HEXB: variants seen among roughly 807,000 people sequenced by gnomAD.
HEXB encodes the protein hexosaminidase subunit beta, also known as beta-hexosaminidase subunit beta.
Under a neutral mutation model 71.2 loss-of-function variants are expected in HEXB, and 51 were observed. The observed-to-expected ratio is 0.72, with a 90% CI of 0.57 to 0.90. The LOEUF (loss-of-function observed/expected upper bound fraction) is 0.90. HEXB is among the 40% of genes least tolerant of loss of function. The pLI is 0.00. For synonymous variants in HEXB, 266 were observed against 249.3 expected (o/e 1.07, Z -0.63); for missense variants, 617 against 677.0 (o/e 0.91, Z 0.98).
At chr5:74,718,178 A>G (rs1749722118) in intron 9 of HEXB, 113 bp from the exon 10 acceptor site, 2 of 780,460 alleles carry the variant, frequency 2.6e-6, no homozygotes, top group East Asian at 2.7e-5. Flanking sequence ...AAGCTGAACT[A>G]TACTAAAAGG....
rs1749652995 is a variant in HEXB, at chr5:74,715,665, G to C, written c.1057G>C (p.Gly353Arg). The C allele has an allele frequency of 1.2e-6, 2 of 1,607,568 alleles. No homozygotes were observed. ...TCCAGATCAATTCATTCATTTGGGA[G>C]GAGATGAAGTGGAATTTAAATGTTG... ...VFPDQFIHLG[G>R]DEVEFKCWES... Residue 353 changes from glycine to arginine, a missense_variant, in exon 8 of 14, where the codon GGA becomes CGA. Gly to Arg is a moderately radical substitution (Grantham distance 125). Transcript: ENST00000261416.
chr5:74,668,971 CT>C (rs1440470476), intron 1 of HEXB, among the ~76,000 whole-genome samples: 2 of 151,838 alleles, frequency 1.3e-5, no homozygotes, highest in African/African-American at 4.8e-5. Context: ...TTTTCTTTTC[CT>C]TTTTCTGAGA....
intron 1 of HEXB, among the ~76,000 whole-genome samples, chr5:74,685,898 T>A (rs1024794818): frequency 2.0e-5 from 3 of 152,018 alleles, no homozygotes; most frequent in Non-Finnish European, 4.4e-5. Context: ...TTGAAGGACG[T>A]GCAAAGGGAT....
At chr5:74,707,126 C>T (rs1457820896) in intron 6 of HEXB, among the ~76,000 whole-genome samples, 7 of 150,626 alleles carry the variant, frequency 4.6e-5, no homozygotes, top group African/African-American at 1.7e-4. Context: ...GCAGCATTCA[C>T]GGTTCACGAA....
chr5:74,649,321 T>C (rs547483359), intron 1 of HEXB, among the ~76,000 whole-genome samples: 2 of 152,298 alleles, frequency 1.3e-5, no homozygotes, highest in South Asian at 4.1e-4. Context: ...ATAATATAAG[T>C]TGTCCTGAGG....
At position 74,641,115 on chromosome 5, in the gene HEXB, C is replaced by G. The variant is rs1176037786; in HGVS notation, c.-377+557C>G. The G allele has an allele frequency of 1.3e-5, 2 of 152,202 alleles. No homozygotes were observed. The highest frequency in any genetic ancestry group is 4.8e-5 in the African/African-American group (2 of 41,514). The allele number at this position is 152,202 out of a possible 1,614,324, so 9.4% of individuals were successfully genotyped here. A position where few individuals can be genotyped will look rare whatever the true frequency, so the allele number is the denominator to read the frequency against. The stretch of plus-strand genomic sequence containing the variant: ...GGACCCACCTTAGGGGAGCGCAGCC[C>G]GGGGCTGTGCGCTTGGTGATGCCAG... On this transcript the variant is annotated intron_variant, in intron 1 of 13. Transcript: ENST00000511181. This position sits in a 1 kb window ranked among gnomAD's most constrained non-coding sequence, Gnocchi z 4.1.
chr5:74,706,952 C>T (rs531325818), intron 6 of HEXB, among the ~76,000 whole-genome samples: 227 of 152,406 alleles, frequency 1.5e-3, no homozygotes, highest in Admixed American at 4.0e-3. Flanking sequence ...CAGTGGTTCT[C>T]CCAGCACACA....
At chr5:74,678,012 T>A (rs1748667759) in intron 1 of HEXB, among the ~76,000 whole-genome samples, 1 of 152,178 alleles carries the variant, frequency 6.6e-6, no homozygotes, top group Non-Finnish European at 1.5e-5. Context: ...ATTTAAATAG[T>A]GCAGCCAGGA....
upstream of HEXB, chr5:74,685,185 T>A: frequency 7.1e-7 from 1 of 1,406,478 alleles, no homozygotes; most frequent in African/African-American, 1.5e-5. Context: ...CCGCGCTTCC[T>A]CTGATCCGGG....
At chr5:74,649,755 T>C (rs1184008544) in intron 1 of HEXB, among the ~76,000 whole-genome samples, 2 of 152,216 alleles carry the variant, frequency 1.3e-5, no homozygotes, top group African/African-American at 4.8e-5. Context: ...TCTTTTACCA[T>C]AGTTGATTGA....
At chr5:74,686,077 C>T (rs1748864890) in intron 1 of HEXB, among the ~76,000 whole-genome samples, 1 of 152,168 alleles carries the variant, frequency 6.6e-6, no homozygotes, top group African/African-American at 2.4e-5. Context: ...TGCCCTCTCT[C>T]CTAAAATCTC....
At chr5:74,688,712 A>G (rs927346117) in intron 1 of HEXB, among the ~76,000 whole-genome samples, 2 of 152,204 alleles carry the variant, frequency 1.3e-5, no homozygotes, top group African/African-American at 4.8e-5. Context: ...TATGTAAGCT[A>G]GGATACTTTT....
At chr5:74,696,762 A>C (rs1291186531) in intron 4 of HEXB, 23 bp downstream of exon 4, 3 of 1,259,794 alleles carry the variant, frequency 2.4e-6, no homozygotes, top group Non-Finnish European at 3.5e-6. Context: ...ATTATATGTT[A>C]CTAAAAATTG....
At chr5:74,721,010 T>C in intron 13 of HEXB, 108 bp from the exon 14 acceptor site, 1 of 989,004 alleles carries the variant, frequency 1.0e-6, no homozygotes. Flanking sequence ...TGTGATTTAG[T>C]GATTCTAATT....
At chr5:74,682,588 C>T (rs1216533740), upstream of HEXB, among the ~76,000 whole-genome samples, 1 of 152,132 alleles carries the variant, frequency 6.6e-6, no homozygotes, top group African/African-American at 2.4e-5. Context: ...CAATAGATAG[C>T]TAGTATGCAA....
At chr5:74,655,080 A>G (rs1456916504) in intron 1 of HEXB, among the ~76,000 whole-genome samples, 1 of 151,554 alleles carries the variant, frequency 6.6e-6, no homozygotes, top group Non-Finnish European at 1.5e-5. Flanking sequence ...AGAGGCTCCC[A>G]GAGAGGGTGG....
At chr5:74,699,098 C>T (rs57014926) in intron 5 of HEXB, among the ~76,000 whole-genome samples, 16 of 152,116 alleles carry the variant, frequency 1.1e-4, no homozygotes, top group East Asian at 3.9e-4. Context: ...GACACAAAAT[C>T]GCTTGAACCT....
chr5:74,651,725 C>G (rs1156383736), intron 1 of HEXB, among the ~76,000 whole-genome samples: 1 of 152,170 alleles, frequency 6.6e-6, no homozygotes, highest in East Asian at 1.9e-4. Context: ...TATGGATAAA[C>G]TAACCAGCAT....
intron 1 of HEXB, among the ~76,000 whole-genome samples, chr5:74,645,854 A>G (rs543948913): frequency 8.3e-4 from 127 of 152,384 alleles, no homozygotes; most frequent in Middle Eastern, 6.8e-3. Flanking sequence ...AGAAATATAG[A>G]AAACACAGAA....
Sources: allele counts gnomAD v4.1 joint callset (sites outside exome capture counted in the v4.1 genomes callset), GRCh38; gene constraint gnomAD v4.1.1; non-coding constraint Gnocchi (gnomAD v3.1); transcripts MANE v1.5; gene names NCBI Gene and HGNC (gene_info 2026-07-23, HGNC 2026-07-21).